Variants in PABPC4L observed in about 807,000 individuals in gnomAD.
The protein encoded by PABPC4L is poly(A) binding protein cytoplasmic 4 like.
For missense variants in PABPC4L, 452 were observed against 451.4 expected (o/e 1.00, Z -0.01); for synonymous variants, 169 against 164.1 (o/e 1.03, Z -0.23).
chr4:134,153,997 A>G, the PABPC4L span, among the ~76,000 whole-genome samples: 3 of 151,840 alleles, frequency 2.0e-5, no homozygotes, highest in Non-Finnish European at 4.4e-5. Context: ...GAAGGTGGTG[A>G]ATCCTGTCTT....
At chr4:133,987,558 A>G in the PABPC4L span, among the ~76,000 whole-genome samples, 1 of 152,278 alleles carries the variant, frequency 6.6e-6, no homozygotes, top group East Asian at 1.9e-4. Flanking sequence ...ATATAAACAT[A>G]TCTACAAACA....
the PABPC4L span, among the ~76,000 whole-genome samples, chr4:134,138,646 T>G: frequency 6.6e-6 from 1 of 151,828 alleles, no homozygotes; most frequent in Admixed American, 6.6e-5. Context: ...TACTCAATTT[T>G]ATTATGCATT....
chr4:134,186,094 G>GA, the PABPC4L span, among the ~76,000 whole-genome samples: 2 of 152,212 alleles, frequency 1.3e-5, no homozygotes, highest in African/African-American at 4.8e-5. Context: ...TCAATATTGT[G>GA]AAAATGGCCA....
At chr4:134,141,991 G>A in the PABPC4L span, among the ~76,000 whole-genome samples, 8 of 151,692 alleles carry the variant, frequency 5.3e-5, no homozygotes, top group African/African-American at 1.7e-4. Context: ...GACTGCCTTC[G>A]TAAAAGCAAA....
chr4:134,060,535 A>G, the PABPC4L span, among the ~76,000 whole-genome samples: 1 of 151,772 alleles, frequency 6.6e-6, no homozygotes, highest in Non-Finnish European at 1.5e-5. Context: ...CACCAGTCAG[A>G]GTTGTGAGGT....
chr4:134,154,634 T>G, the PABPC4L span, among the ~76,000 whole-genome samples: 1 of 151,980 alleles, frequency 6.6e-6, no homozygotes, highest in Non-Finnish European at 1.5e-5. Context: ...CTGGTAAGAT[T>G]TTTTTTTCTC....
At chr4:134,120,433 T>C in the PABPC4L span, among the ~76,000 whole-genome samples, 1 of 149,500 alleles carries the variant, frequency 6.7e-6, no homozygotes, top group African/African-American at 2.4e-5. Context: ...AATATTCATT[T>C]ATATTTAATA....
the PABPC4L span, among the ~76,000 whole-genome samples, chr4:134,190,496 A>T: frequency 6.6e-6 from 1 of 151,770 alleles, no homozygotes; most frequent in African/African-American, 2.4e-5. Flanking sequence ...TCCTTTCCCC[A>T]ATTTCTGGAG....
the PABPC4L span, among the ~76,000 whole-genome samples, chr4:134,055,838 T>A: frequency 6.6e-6 from 1 of 152,038 alleles, no homozygotes; most frequent in Non-Finnish European, 1.5e-5. Flanking sequence ...GAAGTCTAAT[T>A]CATCAAATTT....
chr4:134,064,531 C>T, the PABPC4L span, among the ~76,000 whole-genome samples: 1 of 152,032 alleles, frequency 6.6e-6, no homozygotes, highest in Non-Finnish European at 1.5e-5. Flanking sequence ...CTGCCTCTCT[C>T]ACCTCTCTCG....
At chr4:134,131,714 CAAAAAAAAAAAAA>C in the PABPC4L span, among the ~76,000 whole-genome samples, 34 of 10,672 alleles carry the variant, frequency 3.2e-3, no homozygotes, top group African/African-American at 0.014. Flanking sequence ...CCTGTGAAAC[CAAAAAAAAAAAAA>C]AAAAAAAAAA....
At chr4:134,075,705 A>C in the PABPC4L span, among the ~76,000 whole-genome samples, 24 of 151,956 alleles carry the variant, frequency 1.6e-4, no homozygotes, top group Admixed American at 1.6e-3. Context: ...TTTTTCCATA[A>C]TTTTTATTAT....
the PABPC4L span, among the ~76,000 whole-genome samples, chr4:134,180,728 A>C: frequency 6.6e-6 from 1 of 151,806 alleles, no homozygotes; most frequent in Admixed American, 6.6e-5. Flanking sequence ...ACACAAAAAA[A>C]CCCTCAGAGA....
chr4:134,003,688 G>C, the PABPC4L span, among the ~76,000 whole-genome samples: 1 of 151,924 alleles, frequency 6.6e-6, no homozygotes, highest in East Asian at 1.9e-4. Flanking sequence ...GTGGGAAAAA[G>C]ACTATAGTTG....
the PABPC4L span, among the ~76,000 whole-genome samples, chr4:133,998,415 T>C: frequency 6.6e-6 from 1 of 151,634 alleles, no homozygotes; most frequent in Non-Finnish European, 1.5e-5. Flanking sequence ...GTATGTATCA[T>C]TTTCTTTTAT....
At chr4:134,110,027 A>G in the PABPC4L span, among the ~76,000 whole-genome samples, 1 of 152,120 alleles carries the variant, frequency 6.6e-6, no homozygotes, top group Non-Finnish European at 1.5e-5. Flanking sequence ...GACAAGGTGA[A>G]ATAAGTTAAT....
At chr4:134,098,356 C>T in the PABPC4L span, among the ~76,000 whole-genome samples, 2 of 151,670 alleles carry the variant, frequency 1.3e-5, no homozygotes, top group African/African-American at 2.4e-5. Context: ...GAGTTGTTTG[C>T]TAGACATCAT....
the PABPC4L span, among the ~76,000 whole-genome samples, chr4:134,040,668 A>C: frequency 1.3e-5 from 2 of 152,184 alleles, no homozygotes; most frequent in Non-Finnish European, 2.9e-5. Context: ...AGGCATGGGC[A>C]AAGACTTCAT....
chr4:134,026,608 G>C, the PABPC4L span, among the ~76,000 whole-genome samples: 9 of 152,128 alleles, frequency 5.9e-5, no homozygotes, highest in South Asian at 1.9e-3. Flanking sequence ...CTATGTTATG[G>C]GTTGAATTGT....
Sources: gnomAD v4.1 joint callset for allele counts (sites outside exome capture counted in the v4.1 genomes callset) on GRCh38, gnomAD v4.1.1 for gene constraint, MANE v1.5 for transcripts, NCBI Gene and HGNC (gene_info 2026-07-23, HGNC 2026-07-21) for gene names.